UACA: variants seen among roughly 807,000 people sequenced by gnomAD.
The protein encoded by UACA is nuclear membrane binding protein.
Under a neutral mutation model 160.5 loss-of-function variants are expected in UACA, and 112 were observed. The ratio of observed to expected loss-of-function variants is 0.70; its 90% CI spans 0.60 to 0.82. The LOEUF (loss-of-function observed/expected upper bound fraction) is 0.82. UACA is among the 40% of genes least tolerant of loss of function. The pLI is 0.00. For synonymous variants in UACA, 557 were observed against 568.4 expected (o/e 0.98, Z 0.29); for missense variants, 1,574 against 1,614.6 (o/e 0.97, Z 0.43).
In UACA at chr15:70,729,781, G is replaced by A. The variant is rs1355469861; in HGVS notation, c.79-30121C>T. 5.0e-5 allele frequency among the ~76,000 whole-genome samples: 7 copies of A among 140,224 alleles called. 1 individual carries two copies. The highest frequency in any genetic ancestry group is 4.0e-4 in the East Asian group (2 of 5,014). 92.0% of individuals were successfully genotyped at this position (140,224 alleles called of 152,430 possible). ...AAGAGAGCAGTGGTTCTCCCAGCAC[G>A]CAGCTGGAGATCTGAGAACGGGCAG... On this transcript the variant is annotated intron_variant, in intron 1 of 18. Transcript: ENST00000322954.
chr15:70,777,218 G>A, the UACA span, among the ~76,000 whole-genome samples: 1 of 152,196 alleles, frequency 6.6e-6, no homozygotes, highest in African/African-American at 2.4e-5. Flanking sequence ...AGATGGGGAA[G>A]GCTGTGGGTG....
chr15:70,693,876 T>C (rs1411418169), intron 3 of UACA, among the ~76,000 whole-genome samples: 1 of 152,198 alleles, frequency 6.6e-6, no homozygotes, highest in Non-Finnish European at 1.5e-5. Flanking sequence ...GGAAAGCATA[T>C]ATAAGCAATA....
chr15:70,763,937 T>C (rs988735508), upstream of UACA, among the ~76,000 whole-genome samples: 3 of 152,216 alleles, frequency 2.0e-5, no homozygotes, highest in African/African-American at 7.2e-5. Context: ...GTCTTAGAAA[T>C]GACTCTTGGT....
chr15:70,687,366 C>T (rs1003901304), intron 7 of UACA, among the ~76,000 whole-genome samples, 174 bp downstream of exon 7: 11 of 152,116 alleles, frequency 7.2e-5, no homozygotes, highest in African/African-American at 2.7e-4. Flanking sequence ...CTTTCTTCAG[C>T]AGACTCTGAA....
intron 11 of UACA, 119 bp downstream of exon 11, chr15:70,677,980 G>T: frequency 1.5e-6 from 1 of 669,360 alleles, no homozygotes; most frequent in Non-Finnish European, 2.4e-6. Context: ...CTGGTCCCCA[G>T]TAAGATTTAA....
chr15:70,752,109 G>A (rs999703069), intron 1 of UACA, among the ~76,000 whole-genome samples: 8 of 151,708 alleles, frequency 5.3e-5, no homozygotes, highest in East Asian at 1.9e-4. Context: ...GTGGTGGCGC[G>A]TGCCCATAAT....
chr15:70,728,810 T>C (rs922915140), intron 1 of UACA, among the ~76,000 whole-genome samples: 4 of 140,638 alleles, frequency 2.8e-5, no homozygotes, highest in African/African-American at 4.9e-5. Flanking sequence ...AGGTTTAATA[T>C]ACTAAATCTA....
At position 70,692,897 on chromosome 15, in the gene UACA, G is replaced by A. The variant is rs554174015; in HGVS notation, c.302-1534C>T. Among the ~76,000 whole-genome samples the A allele has an allele frequency of 1.1e-4, 16 of 152,282 alleles. No homozygotes were observed. In the South Asian group the frequency reaches 1.4e-3, roughly 14 times the overall value. On this transcript the variant is annotated intron_variant, in intron 3 of 18. Transcript: ENST00000322954. ...CTTTCAACTCTCTGGTCACTTCCACGTAGCTGACTAACCAGGTTGCAGAAC... is the reference window on the plus strand; with the variant it reads ...CTTTCAACTCTCTGGTCACTTCCACATAGCTGACTAACCAGGTTGCAGAAC...
At chr15:70,767,239 C>CAAAAA (rs747903027), upstream of UACA, among the ~76,000 whole-genome samples, 3 of 46,528 alleles carry the variant, frequency 6.4e-5, no homozygotes, top group East Asian at 6.0e-4. Flanking sequence ...GACTCCATCT[C>CAAAAA]AAAAAAAAAA....
At chr15:70,743,736 T>C (rs927058738) in intron 1 of UACA, among the ~76,000 whole-genome samples, 2 of 152,186 alleles carry the variant, frequency 1.3e-5, no homozygotes, top group African/African-American at 4.8e-5. Flanking sequence ...AGTAAGAGGC[T>C]GAACATCTAG....
At chr15:70,675,807 T>TG (rs1210898093) in intron 13 of UACA, among the ~76,000 whole-genome samples, 1 of 152,108 alleles carries the variant, frequency 6.6e-6, no homozygotes, top group Non-Finnish European at 1.5e-5. Flanking sequence ...TATTAAGAGG[T>TG]GGGGCCTTTT....
At chr15:70,770,453 A>T in the UACA span, among the ~76,000 whole-genome samples, 2 of 152,332 alleles carry the variant, frequency 1.3e-5, no homozygotes, top group East Asian at 3.9e-4. Flanking sequence ...TCTATTTAGT[A>T]CAAATATCAA....
chr15:70,707,489 C>A (rs529172854), intron 1 of UACA, among the ~76,000 whole-genome samples: 10 of 152,080 alleles, frequency 6.6e-5, no homozygotes, highest in Non-Finnish European at 1.0e-4. Context: ...AGGCAACCTA[C>A]AGAATGCGCA....
intron 1 of UACA, among the ~76,000 whole-genome samples, chr15:70,749,805 T>A (rs957989111): frequency 1.3e-5 from 2 of 152,092 alleles, no homozygotes; most frequent in Admixed American, 1.3e-4. Context: ...TCAAGGGTAT[T>A]TATCAAACAT....
Position 70,666,807 on chromosome 15 carries a change from A to G in UACA, c.3877T>C (p.Cys1293Arg), listed in dbSNP as rs1896924435. The G allele has an allele frequency of 6.2e-7, 1 of 1,613,762 alleles. No individual in the cohort carries two copies. Among genetic ancestry groups the G allele is most frequent in the Non-Finnish European group, 8.5e-7 (1 of 1,179,910 alleles). The change falls in exon 16 of 19, where the codon TGT becomes CGT. Residue 1293 changes from cysteine to arginine, a missense_variant. Physicochemically the swap from Cys to Arg is radical, Grantham distance 180. Coordinates refer to ENST00000322954, the MANE Select transcript of UACA (RefSeq NM_018003.4). ...GTGATTGTTGTTAAGGACTTATCAC[A>G]TCGTTCCTTCTGATCCTTAATTTCT... The part of the protein sequence containing the change: ...EQEIKDQKER[C>R]DKSLTTITEL...
intron 1 of UACA, among the ~76,000 whole-genome samples, chr15:70,759,841 T>C (rs879727043): frequency 3.3e-5 from 5 of 152,222 alleles, no homozygotes; most frequent in Non-Finnish European, 5.9e-5. Context: ...TCTAAATTCA[T>C]TGGCATATTT....
the UACA span, among the ~76,000 whole-genome samples, chr15:70,773,666 GT>G: frequency 6.6e-6 from 1 of 152,278 alleles, no homozygotes; most frequent in African/African-American, 2.4e-5. Flanking sequence ...GGAAAAGAAG[GT>G]CCCAACTGGC....
chr15:70,677,182 C>A, intron 11 of UACA, 42 bp from the exon 12 acceptor site: 1 of 1,503,568 alleles, frequency 6.7e-7, no homozygotes, highest in South Asian at 1.2e-5. Context: ...TTCTTAAAAG[C>A]CTATTTTAAA....
At chr15:70,688,839 G>A (rs554411087) in intron 5 of UACA, among the ~76,000 whole-genome samples, 5 of 152,128 alleles carry the variant, frequency 3.3e-5, no homozygotes, top group Non-Finnish European at 7.4e-5. Context: ...TCCTTTGGGA[G>A]TATGTGGGAA....
Sources: allele counts gnomAD v4.1 joint callset (sites outside exome capture counted in the v4.1 genomes callset), GRCh38; gene constraint gnomAD v4.1.1; transcripts MANE v1.5; gene names NCBI Gene and HGNC (gene_info 2026-07-23, HGNC 2026-07-21).